Variants in NKIRAS1 observed in about 807,000 individuals in gnomAD.
The protein encoded by NKIRAS1 is NFKB inhibitor interacting Ras like 1.
NKIRAS1 carries 16 observed loss-of-function variants against 19.8 expected under a neutral mutation model. The ratio of observed to expected loss-of-function variants is 0.81; its 90% CI spans 0.55 to 1.23. NKIRAS1 has a LOEUF of 1.23. NKIRAS1 is among the 50% of genes most tolerant of loss of function. The pLI, the probability that NKIRAS1 is intolerant of heterozygous loss-of-function variation, is 0.00. For synonymous variants in NKIRAS1, 88 were observed against 79.0 expected (o/e 1.11, Z -0.61); for missense variants, 184 against 220.0 (o/e 0.84, Z 1.04).
intron 1 of NKIRAS1, among the ~76,000 whole-genome samples, chr3:23,941,680 C>T (rs1457563032): frequency 1.3e-5 from 2 of 152,178 alleles, no homozygotes; most frequent in Non-Finnish European, 2.9e-5. Context: ...TGAGCATCCT[C>T]CTCTGGCACT....
intron 1 of NKIRAS1, among the ~76,000 whole-genome samples, chr3:23,914,215 T>A (rs1334676464): frequency 6.6e-6 from 1 of 151,228 alleles, no homozygotes; most frequent in African/African-American, 2.4e-5. Context: ...CCTGGTCCAT[T>A]CCTGTGAAAT....
upstream of NKIRAS1, chr3:23,920,411 T>C (rs1015092681): frequency 9.1e-6 from 9 of 985,314 alleles, no homozygotes; most frequent in Middle Eastern, 5.2e-4. Flanking sequence ...TCTGCAGTTA[T>C]TTCTCTTGTT....
chr3:23,918,865 A>C, upstream of NKIRAS1: 1 of 505,118 alleles, frequency 2.0e-6, no homozygotes, highest in Non-Finnish European at 3.5e-6. Flanking sequence ...AAATATTTTT[A>C]AAGCTAAACG....
chr3:23,918,176 G>A, upstream of NKIRAS1: 1 of 1,069,202 alleles, frequency 9.4e-7, no homozygotes, highest in Non-Finnish European at 1.3e-6. Flanking sequence ...GTCAGTTACT[G>A]TATGCACTGT....
In NKIRAS1 at chr3:23,927,239, G is replaced by C. The variant is rs1705227034; in HGVS notation, c.-139-15789C>G. On this transcript the variant is annotated intron_variant, in intron 1 of 4. Coordinates refer to the NKIRAS1 transcript ENST00000421515. This position sits in a 1 kb window ranked among gnomAD's most constrained non-coding sequence, Gnocchi z 4.0. ...TAGAAAAAGAAGAATCTGCTGCAAG[G>C]CTGAGTGCAGTGGCTCACGTCTGTA... Among the ~76,000 whole-genome samples, 1 of 152,176 alleles carries C rather than the reference G, an allele frequency of 6.6e-6. No individual in the cohort carries two copies. The highest frequency in any genetic ancestry group is 6.5e-5 in the Admixed American group (1 of 15,278).
At chr3:23,912,473 A>T (rs967273854) in intron 1 of NKIRAS1, among the ~76,000 whole-genome samples, 1 of 152,222 alleles carries the variant, frequency 6.6e-6, no homozygotes, top group African/African-American at 2.4e-5. Context: ...GAGAAATGCA[A>T]ATCAAAACCA....
chr3:23,938,101 T>A (rs1705429618), intron 1 of NKIRAS1, among the ~76,000 whole-genome samples: 1 of 152,128 alleles, frequency 6.6e-6, no homozygotes, highest in Non-Finnish European at 1.5e-5. Context: ...CCACTTCTTA[T>A]CTGACTTTCA....
chr3:23,946,043 G>T (rs1478469826), intron 1 of NKIRAS1: 1 of 945,936 alleles, frequency 1.1e-6, no homozygotes, highest in Admixed American at 6.2e-5. Flanking sequence ...GCGCGCGCGC[G>T]CGCTGGCTGG....
At chr3:23,930,298 T>G (rs1049587872) in intron 1 of NKIRAS1, among the ~76,000 whole-genome samples, 2 of 152,150 alleles carry the variant, frequency 1.3e-5, no homozygotes, top group Admixed American at 6.5e-5. Flanking sequence ...GAATAAGCAG[T>G]GCAGGGGGAG....
At position 23,932,580 on chromosome 3, in the gene NKIRAS1, A is replaced by G. The variant is rs1417079999; in HGVS notation, c.-140+13743T>C. On this transcript the variant is annotated intron_variant, in intron 1 of 4. Coordinates refer to the NKIRAS1 transcript ENST00000421515. ...GTGCATGCCTGTAATCCCAGCTGCT[A>G]GAGAGGCTGAGGCAGGAGAATTGCT... Among the ~76,000 whole-genome samples the G allele has an allele frequency of 2.6e-5, 4 of 151,276 alleles. No individual in the cohort carries two copies. The South Asian group carries it at 6.3e-4, about 24-fold the overall frequency.
intron 1 of NKIRAS1, among the ~76,000 whole-genome samples, chr3:23,932,516 C>G (rs1021493401): frequency 1.3e-5 from 2 of 151,846 alleles, no homozygotes; most frequent in Non-Finnish European, 2.9e-5. Context: ...TGGAGAAACC[C>G]CATCTCTACT....
chr3:23,944,983 C>T (rs949264053), intron 1 of NKIRAS1, among the ~76,000 whole-genome samples: 1 of 151,688 alleles, frequency 6.6e-6, no homozygotes, highest in Admixed American at 6.6e-5. Flanking sequence ...AGAGGACTCC[C>T]GGCCAGAGGC....
chr3:23,900,652 A>AG (rs1222992396), intron 4 of NKIRAS1, among the ~76,000 whole-genome samples, 156 bp downstream of exon 4: 2 of 151,512 alleles, frequency 1.3e-5, no homozygotes, highest in Admixed American at 6.6e-5. Context: ...AAAAAAAAAA[A>AG]AAAAAGAAAA....
intron 4 of NKIRAS1, among the ~76,000 whole-genome samples, chr3:23,894,814 G>A (rs769381191): frequency 1.3e-5 from 2 of 152,134 alleles, no homozygotes; most frequent in African/African-American, 2.4e-5. Context: ...GATGCTATCA[G>A]TCTGTTGTAC....
At chr3:23,908,433 G>T (rs147721292) in intron 3 of NKIRAS1, among the ~76,000 whole-genome samples, 1 of 152,140 alleles carries the variant, frequency 6.6e-6, no homozygotes, top group Non-Finnish European at 1.5e-5. Flanking sequence ...ATCTGTGTGC[G>T]GCTGGATTTT....
chr3:23,896,123 A>T (rs1575062858), intron 4 of NKIRAS1, among the ~76,000 whole-genome samples: 1 of 130,204 alleles, frequency 7.7e-6, no homozygotes, highest in East Asian at 2.3e-4. Flanking sequence ...AGATGGAGCA[A>T]GACTCCATCT....
chr3:23,928,670 T>A, intron 1 of NKIRAS1, among the ~76,000 whole-genome samples: 1 of 130,450 alleles, frequency 7.7e-6, no homozygotes, highest in East Asian at 2.3e-4. Flanking sequence ...AACAGAAGCC[T>A]CAAAGTATGA....
intron 4 of NKIRAS1, among the ~76,000 whole-genome samples, chr3:23,894,322 G>T (rs1351854422): frequency 1.3e-5 from 2 of 152,198 alleles, no homozygotes; most frequent in African/African-American, 4.8e-5. Context: ...GAGCAGCAGT[G>T]AACTCATCAG....
chr3:23,905,795 CAA>C (rs34872852), intron 3 of NKIRAS1, among the ~76,000 whole-genome samples: 19 of 117,676 alleles, frequency 1.6e-4, no homozygotes, highest in Admixed American at 2.6e-4. Flanking sequence ...AAATGTGCTC[CAA>C]AAAAAAAAAA....
Sources: allele counts gnomAD v4.1 joint callset (sites outside exome capture counted in the v4.1 genomes callset), GRCh38; gene constraint gnomAD v4.1.1; non-coding constraint Gnocchi (gnomAD v3.1); transcripts MANE v1.5; gene names NCBI Gene and HGNC (gene_info 2026-07-23, HGNC 2026-07-21).